COL14A1: variants seen among roughly 807,000 people sequenced by gnomAD.
COL14A1 encodes the protein collagen alpha-1(XIV) chain.
A neutral mutation model predicts 230.3 loss-of-function variants in COL14A1; 136 were observed. The observed-to-expected ratio is 0.59, with a 90% CI of 0.51 to 0.68. The LOEUF is 0.68. COL14A1 is among the 30% of genes least tolerant of loss of function. The pLI is 0.00. For missense variants in COL14A1, 1,976 were observed against 2,215.8 expected, an observed-to-expected ratio of 0.89 and a Z score of 2.17; for synonymous variants, 792 against 784.1, an observed-to-expected ratio of 1.01 and a Z score of -0.17.
intron 2 of COL14A1, among the ~76,000 whole-genome samples, chr8:120,152,650 C>T (rs1259091983): frequency 6.6e-6 from 1 of 152,004 alleles, no homozygotes; most frequent in East Asian, 1.9e-4. Flanking sequence ...TGGATTATTC[C>T]AGCATCTTCT....
intron 5 of COL14A1, among the ~76,000 whole-genome samples, chr8:120,180,919 C>T (rs1816445681): frequency 6.6e-6 from 1 of 152,056 alleles, no homozygotes; most frequent in African/African-American, 2.4e-5. Flanking sequence ...GTTGGCCAGG[C>T]TGATCTCGAA....
chr8:120,197,314 T>C (rs1368860915), intron 6 of COL14A1, among the ~76,000 whole-genome samples: 2 of 152,152 alleles, frequency 1.3e-5, no homozygotes, highest in Non-Finnish European at 2.9e-5. Flanking sequence ...TAGTACAAGA[T>C]AACCTTTGCC....
rs1445902822 is a variant in COL14A1 at position 120,314,037 on chromosome 8, G to A, written c.4551+10G>A. 6.3e-7 allele frequency: 1 copy of A among 1,577,222 alleles called. No individual in the cohort carries two copies. Among genetic ancestry groups the A allele is most frequent in the Non-Finnish European group, 8.7e-7 (1 of 1,155,284 alleles). ...CATTCAAGGAATGCCCGTGAGTTGT[G>A]TTCAAACATTCAGACGGGTTTTATT... On this transcript the variant is annotated intron_variant, in intron 38 of 47. Coordinates refer to ENST00000297848, the MANE Select transcript of COL14A1 (RefSeq NM_021110.4).
chr8:120,220,397 C>T (rs1586778140), intron 14 of COL14A1, among the ~76,000 whole-genome samples: 2 of 151,954 alleles, frequency 1.3e-5, no homozygotes, highest in African/African-American at 2.4e-5. Context: ...CCTCAGCCAC[C>T]CGAGTAGCTG....
chr8:120,135,824 G>A (rs1172048421), intron 1 of COL14A1, among the ~76,000 whole-genome samples: 1 of 151,660 alleles, frequency 6.6e-6, no homozygotes, highest in Non-Finnish European at 1.5e-5. Context: ...GAGTATAGAG[G>A]CCTTGCATGT....
At chr8:120,248,924 T>C (rs1818846889) in intron 21 of COL14A1, among the ~76,000 whole-genome samples, 1 of 115,096 alleles carries the variant, frequency 8.7e-6, no homozygotes, top group Admixed American at 8.1e-5. Context: ...TTTCTTTTTT[T>C]TTTTTTTTTT....
At chr8:120,225,002 C>T (rs754701121) in intron 14 of COL14A1, 86 bp from the exon 15 acceptor site, 58 of 1,304,908 alleles carry the variant, frequency 4.4e-5, no homozygotes, top group Non-Finnish European at 5.8e-5. Flanking sequence ...GCTTTGCTGT[C>T]AGCTAAGCGA....
At chr8:120,271,933 G>C (rs1819676910) in intron 26 of COL14A1, among the ~76,000 whole-genome samples, 1 of 151,524 alleles carries the variant, frequency 6.6e-6, no homozygotes, top group Admixed American at 6.6e-5. Flanking sequence ...CAAGCAGATA[G>C]ACCAGTCAGG....
At chr8:120,325,446 C>T (rs1821625905) in intron 40 of COL14A1, among the ~76,000 whole-genome samples, 1 of 151,398 alleles carries the variant, frequency 6.6e-6, no homozygotes. Context: ...TCCTAATATT[C>T]ATTGTACATT....
chr8:120,266,151 A>C (rs1033616658), intron 24 of COL14A1, among the ~76,000 whole-genome samples: 1 of 152,060 alleles, frequency 6.6e-6, no homozygotes, highest in Non-Finnish European at 1.5e-5. Context: ...AAACTTCCTG[A>C]TGCTTTGCCA....
intron 26 of COL14A1, among the ~76,000 whole-genome samples, chr8:120,273,662 C>A (rs928987818): frequency 6.6e-6 from 1 of 151,470 alleles, no homozygotes; most frequent in Admixed American, 6.6e-5. Flanking sequence ...ATTATGAACA[C>A]CTCTATACAT....
intron 13 of COL14A1, among the ~76,000 whole-genome samples, chr8:120,213,143 C>A (rs1340650259): frequency 6.6e-6 from 1 of 152,144 alleles, no homozygotes; most frequent in East Asian, 1.9e-4. Flanking sequence ...AATTCATTTT[C>A]AATTGAGTAA....
intron 45 of COL14A1, among the ~76,000 whole-genome samples, chr8:120,347,465 A>G (rs768011036): frequency 3.6e-4 from 55 of 152,138 alleles, no homozygotes; most frequent in Non-Finnish European, 7.3e-4. Context: ...GATGACTGTT[A>G]TAGGTCAGGG....
At chr8:120,165,262 G>T (rs1815826087) in intron 4 of COL14A1, among the ~76,000 whole-genome samples, 3 of 152,314 alleles carry the variant, frequency 2.0e-5, no homozygotes, top group Middle Eastern at 3.4e-3. Flanking sequence ...TTCGTGGTTG[G>T]ATCCAGGAAA....
At position 120,322,560 on chromosome 8, in the gene COL14A1, T is replaced by G. The variant is rs1055674286; in HGVS notation, c.4659+6563T>G. 2.6e-5 allele frequency among the ~76,000 whole-genome samples: 4 copies of G among 152,156 alleles called. No homozygotes were observed. In the South Asian group the frequency reaches 8.3e-4, roughly 32 times the overall value. ...CTCCCTCCTCCCATCCTTCACCCACTGATAGGCCCCAGTATGGTTTGTTTC... is the reference window on the plus strand; with the variant it reads ...CTCCCTCCTCCCATCCTTCACCCACGGATAGGCCCCAGTATGGTTTGTTTC... On this transcript the variant is annotated intron_variant, in intron 40 of 47. Transcript: ENST00000297848.
At chr8:120,270,277 A>T (rs1819621025) in intron 26 of COL14A1, 103 bp downstream of exon 26, 1 of 1,187,078 alleles carries the variant, frequency 8.4e-7, no homozygotes, top group African/African-American at 1.6e-5. Context: ...AACTGTAATG[A>T]TTGGGTTCAA....
chr8:120,299,947 C>A (rs1445985521), intron 35 of COL14A1, among the ~76,000 whole-genome samples: 1 of 152,082 alleles, frequency 6.6e-6, no homozygotes, highest in East Asian at 1.9e-4. Context: ...GACTGATGAA[C>A]TCTGTGAAGT....
intron 19 of COL14A1, among the ~76,000 whole-genome samples, chr8:120,234,737 G>A (rs549702998): frequency 2.0e-4 from 31 of 152,224 alleles, no homozygotes; most frequent in African/African-American, 6.0e-4. Flanking sequence ...GAGGATTTTC[G>A]CATCAATGTT....
chr8:120,148,204 C>A (rs1267557803), intron 2 of COL14A1, among the ~76,000 whole-genome samples: 1 of 145,086 alleles, frequency 6.9e-6, no homozygotes, highest in East Asian at 2.0e-4. Context: ...ATGATCTTGG[C>A]TCACTGCAAC....
Sources: allele counts gnomAD v4.1 joint callset (sites outside exome capture counted in the v4.1 genomes callset), GRCh38; gene constraint gnomAD v4.1.1; transcripts MANE v1.5; gene names NCBI Gene and HGNC (gene_info 2026-07-23, HGNC 2026-07-21).